QTMAN: variants seen among roughly 807,000 people sequenced by gnomAD.
QTMAN encodes queuosine-tRNA mannosyltransferase.
At chr2:144,319,570 T>C in the QTMAN span, 2 of 152,146 alleles carry the variant, frequency 1.3e-5, no homozygotes, top group East Asian at 1.9e-4. Context: ...TATATATATA[T>C]ATATTTTTAG....
the QTMAN span, among the ~76,000 whole-genome samples, chr2:144,062,976 A>G: frequency 6.6e-6 from 1 of 152,162 alleles, no homozygotes; most frequent in African/African-American, 2.4e-5. Flanking sequence ...GTGAGGCCAA[A>G]CAAGTAACCA....
chr2:144,203,299 T>C, the QTMAN span, among the ~76,000 whole-genome samples: 1 of 152,142 alleles, frequency 6.6e-6, no homozygotes, highest in South Asian at 2.1e-4. Context: ...TTATTTGGTT[T>C]GCAGGATTAT....
the QTMAN span, among the ~76,000 whole-genome samples, chr2:144,137,712 GGAGAGAGAGAAA>G: frequency 6.6e-6 from 1 of 151,936 alleles, no homozygotes; most frequent in South Asian, 2.1e-4. Flanking sequence ...AATAAGAAGA[GGAGAGAGAGAAA>G]GAGAGAGAGA....
chr2:144,282,464 A>G, the QTMAN span, among the ~76,000 whole-genome samples: 162 of 151,334 alleles, frequency 1.1e-3, no homozygotes, highest in African/African-American at 3.7e-3. Context: ...ATAGGTACAG[A>G]TATCATTTAT....
At chr2:144,135,934 T>C in the QTMAN span, among the ~76,000 whole-genome samples, 1 of 152,160 alleles carries the variant, frequency 6.6e-6, no homozygotes, top group African/African-American at 2.4e-5. Flanking sequence ...AAGATATGTA[T>C]GATAAATGCA....
chr2:144,058,729 G>A, the QTMAN span, among the ~76,000 whole-genome samples: 1 of 152,150 alleles, frequency 6.6e-6, no homozygotes, highest in South Asian at 2.1e-4. Flanking sequence ...GCTCAAAACT[G>A]TGTCCTATAA....
the QTMAN span, among the ~76,000 whole-genome samples, chr2:144,076,154 G>A: frequency 6.6e-6 from 1 of 152,312 alleles, no homozygotes; most frequent in Admixed American, 6.5e-5. Context: ...GGCTGAGGCA[G>A]GAGAATCGCT....
the QTMAN span, among the ~76,000 whole-genome samples, chr2:144,165,197 C>T: frequency 2.0e-5 from 3 of 151,940 alleles, no homozygotes; most frequent in Non-Finnish European, 4.4e-5. Flanking sequence ...TGATGAAACA[C>T]TATCTCTACT....
the QTMAN span, among the ~76,000 whole-genome samples, chr2:144,280,295 T>C: frequency 2.0e-5 from 3 of 152,172 alleles, no homozygotes; most frequent in African/African-American, 7.2e-5. Context: ...TCCACCCATA[T>C]ACAGAAATAG....
chr2:144,157,420 G>C, the QTMAN span, among the ~76,000 whole-genome samples: 3 of 152,038 alleles, frequency 2.0e-5, no homozygotes, highest in African/African-American at 7.2e-5. Flanking sequence ...CCATGGAATG[G>C]AGGCTTCCCT....
At chr2:144,300,993 T>C in the QTMAN span, among the ~76,000 whole-genome samples, 4,289 of 152,196 alleles carry the variant, frequency 0.028, 85 homozygotes, top group Non-Finnish European at 0.043. Flanking sequence ...TAGCATTTAA[T>C]CTGACCATCT....
At chr2:144,055,318 C>CA in the QTMAN span, among the ~76,000 whole-genome samples, 1 of 148,046 alleles carries the variant, frequency 6.8e-6, no homozygotes, top group Non-Finnish European at 1.5e-5. Flanking sequence ...GGAACACACA[C>CA]ACACACAGAC....
chr2:144,183,196 G>A, the QTMAN span, among the ~76,000 whole-genome samples: 6 of 151,608 alleles, frequency 4.0e-5, no homozygotes, highest in African/African-American at 7.3e-5. Flanking sequence ...TTTCAGGTGA[G>A]CAGAATAAAT....
the QTMAN span, among the ~76,000 whole-genome samples, chr2:144,207,736 G>A: frequency 5.9e-5 from 9 of 152,304 alleles, no homozygotes; most frequent in Middle Eastern, 3.4e-3. Flanking sequence ...GAATAAGGAG[G>A]AAGAGATGTT....
chr2:144,209,439 T>C, the QTMAN span, among the ~76,000 whole-genome samples: 1 of 152,362 alleles, frequency 6.6e-6, no homozygotes, highest in South Asian at 2.1e-4. Flanking sequence ...ACACATACTT[T>C]GATCACTTCC....
the QTMAN span, among the ~76,000 whole-genome samples, chr2:144,108,859 T>G: frequency 6.6e-6 from 1 of 152,214 alleles, no homozygotes; most frequent in East Asian, 1.9e-4. Context: ...TTACAAGGGA[T>G]GTGAAGGACC....
the QTMAN span, among the ~76,000 whole-genome samples, chr2:143,948,484 A>G: frequency 6.6e-6 from 1 of 152,208 alleles, no homozygotes; most frequent in East Asian, 1.9e-4. Context: ...AATAAAACTA[A>G]ATGAAAAATA....
At chr2:144,304,645 A>G in the QTMAN span, among the ~76,000 whole-genome samples, 15 of 152,224 alleles carry the variant, frequency 9.9e-5, no homozygotes, top group African/African-American at 3.1e-4. Flanking sequence ...GGATCTCACT[A>G]TATTCGCCAG....
At chr2:144,296,264 A>T in the QTMAN span, among the ~76,000 whole-genome samples, 3 of 152,226 alleles carry the variant, frequency 2.0e-5, no homozygotes, top group African/African-American at 7.2e-5. Context: ...TCTCTTACAA[A>T]AACCAACTAA....
Sources: gnomAD v4.1 joint callset for allele counts (sites outside exome capture counted in the v4.1 genomes callset) on GRCh38, gnomAD v4.1.1 for gene constraint, MANE v1.5 for transcripts, NCBI Gene and HGNC (gene_info 2026-07-23, HGNC 2026-07-21) for gene names.